ABLIM2: variants seen among roughly 807,000 people sequenced by gnomAD.
ABLIM2 encodes the protein actin binding LIM protein family member 2.
ABLIM2 carries 53 observed loss-of-function variants against 97.7 expected under a neutral mutation model. The ratio of observed to expected loss-of-function variants is 0.54; its 90% CI spans 0.44 to 0.68. The LOEUF is 0.68. ABLIM2 is among the 30% of genes least tolerant of loss of function. ABLIM2 has a pLI of 0.00. For missense variants in ABLIM2, 835 were observed against 867.2 expected (o/e 0.96, Z 0.47); for synonymous variants, 361 against 345.8 (o/e 1.04, Z -0.49).
At chr4:8,090,988 T>A (rs1229286844) in intron 3 of ABLIM2, among the ~76,000 whole-genome samples, 1 of 151,774 alleles carries the variant, frequency 6.6e-6, no homozygotes, top group East Asian at 1.9e-4. Flanking sequence ...TTTGGGTGAA[T>A]ACAGAAGATG....
rs1156485334 is a variant in ABLIM2, at chr4:8,061,226, G to A, written c.676-172C>T. On this transcript the variant is annotated intron_variant, in intron 6 of 20. Coordinates refer to ENST00000447017, the MANE Select transcript of ABLIM2 (RefSeq NM_001130083.2). The surrounding 1 kb of genome is among the most constrained non-coding windows in gnomAD (Gnocchi z 4.5). ...CCCTGAGCAGAGCCCAGACCCGGGG[G>A]TGCCCCCGGGCTGTCCAAGGCGCCC... Among the ~76,000 whole-genome samples, 3 of 152,266 alleles carry A rather than the reference G, an allele frequency of 2.0e-5. No homozygotes were observed. In the East Asian group the frequency reaches 5.8e-4, roughly 30 times the overall value.
At chr4:8,157,988 C>T (rs932544712) in intron 1 of ABLIM2, among the ~76,000 whole-genome samples, 1 of 152,274 alleles carries the variant, frequency 6.6e-6, no homozygotes, top group Non-Finnish European at 1.5e-5. Context: ...CTCAGTTTCC[C>T]CAACAGCACA....
Position 8,132,157 on chromosome 4 carries a change from G to A in ABLIM2, c.11-25520C>T, listed in dbSNP as rs954824393. ...GAACGACCTGGTTGGAAAGGAAACA[G>A]CGTACATGGTCCCACGAGGCTGCAA... is the stretch of plus-strand genomic sequence containing the variant. On this transcript the variant is annotated intron_variant, in intron 1 of 20. Transcript: ENST00000447017. This position sits in a 1 kb window ranked among gnomAD's most constrained non-coding sequence, Gnocchi z 8.0. Among the ~76,000 whole-genome samples, 2 of 151,868 alleles carry A rather than the reference G, an allele frequency of 1.3e-5. No individual in the cohort carries two copies. The highest frequency in any genetic ancestry group is 1.9e-4 in the East Asian group (1 of 5,144).
chr4:8,136,346 T>C (rs982040540), intron 1 of ABLIM2, among the ~76,000 whole-genome samples: 2 of 152,204 alleles, frequency 1.3e-5, no homozygotes, highest in African/African-American at 4.8e-5. Context: ...GTCCTGTGGA[T>C]GGATGGCATT....
In ABLIM2 at chr4:8,033,034, G is replaced by A. The variant is rs534685454; in HGVS notation, c.1047+3115C>T. On this transcript the variant is annotated intron_variant, in intron 10 of 20. Coordinates refer to ENST00000447017, the MANE Select transcript of ABLIM2 (RefSeq NM_001130083.2). The surrounding 1 kb of genome is among the most constrained non-coding windows in gnomAD (Gnocchi z 4.5). Reference sequence around the variant, plus strand: ...CAGGGCACAGGCAGCAACATCCTGAGGGCCCATCACCTCGGTTTTCTCTGG... The same window carrying A: ...CAGGGCACAGGCAGCAACATCCTGAAGGCCCATCACCTCGGTTTTCTCTGG... 2.6e-5 allele frequency among the ~76,000 whole-genome samples: 4 copies of A among 152,326 alleles called. No individual in the cohort carries two copies. Among genetic ancestry groups the A allele is most frequent in the African/African-American group, 9.6e-5 (4 of 41,566 alleles).
chr4:8,155,179 A>G lies in ABLIM2; in HGVS notation c.10+3501T>C, dbSNP rs1451894901. Among the ~76,000 whole-genome samples the G allele has an allele frequency of 6.6e-6, 1 of 152,220 alleles. No individual in the cohort carries two copies. Among genetic ancestry groups the G allele is most frequent in the Non-Finnish European group, 1.5e-5 (1 of 68,042 alleles). ...CTTTGCTGAATAACGAGTGAGTGAG[A>G]TGGAACAGATGGCTCATATTCCATC... On this transcript the variant is annotated intron_variant, in intron 1 of 20. Transcript: ENST00000447017. The surrounding 1 kb of genome is among the most constrained non-coding windows in gnomAD (Gnocchi z 4.2).
chr4:7,968,604 A>G (rs1383950104), intron 20 of ABLIM2, among the ~76,000 whole-genome samples: 1 of 152,210 alleles, frequency 6.6e-6, no homozygotes. Context: ...ATATGATTCC[A>G]CTTCTCTGAA....
chr4:8,019,636 G>T lies in ABLIM2; in HGVS notation c.1405C>A (p.Pro469Thr), dbSNP rs1772085334. ...GVKDNIYRKP[P>T]IYRQHAARRS... ...ACCGTACCATGCTGTCTGTAGATAGGGGGTTTCCTATAGATGTTATCTTTT... is the reference window on the plus strand; with the variant it reads ...ACCGTACCATGCTGTCTGTAGATAGTGGGTTTCCTATAGATGTTATCTTTT... The change falls in exon 14 of 21, where the codon CCT becomes ACT. Residue 469 changes from proline (P) to threonine (T), a missense_variant. By Grantham distance (38) the Pro-to-Thr change is conservative. Transcript: ENST00000447017. The surrounding 1 kb of genome is among the most constrained non-coding windows in gnomAD (Gnocchi z 4.3). The T allele has an allele frequency of 6.2e-7, 1 of 1,612,462 alleles. No homozygotes were observed. The highest frequency in any genetic ancestry group is 1.7e-5 in the Admixed American group (1 of 59,716).
Position 8,047,880 on chromosome 4 carries a change from C to T in ABLIM2, c.823-2639G>A, listed in dbSNP as rs566853417. ...CTCAGGAGATGACCTTGACAGAGAA[C>T]CCTCTCCTCTGCAAAGCAGATGAAC... is the stretch of plus-strand genomic sequence containing the variant. On this transcript the variant is annotated intron_variant, in intron 8 of 20. Transcript: ENST00000447017. Among the ~76,000 whole-genome samples, 6 of 152,336 alleles carry T rather than the reference C, an allele frequency of 3.9e-5. No homozygotes were observed. The South Asian group carries it at 1.0e-3, about 26-fold the overall frequency.
At chr4:7,984,758 G>A (rs1002377407) in intron 18 of ABLIM2, 81 bp downstream of exon 18, 3 of 1,428,086 alleles carry the variant, frequency 2.1e-6, no homozygotes, top group African/African-American at 1.4e-5. Flanking sequence ...TGCGGATGGG[G>A]TGGTTTCAGA....
intron 6 of ABLIM2, among the ~76,000 whole-genome samples, chr4:8,062,583 C>T (rs1334803886): frequency 1.3e-5 from 2 of 152,034 alleles, no homozygotes; most frequent in Non-Finnish European, 2.9e-5. Flanking sequence ...GGACTACAGA[C>T]CCCCACCACC....
At chr4:8,079,038 G>A (rs1390231778) in intron 5 of ABLIM2, among the ~76,000 whole-genome samples, 1 of 152,250 alleles carries the variant, frequency 6.6e-6, no homozygotes, top group South Asian at 2.1e-4. Flanking sequence ...CCAAGCTCCG[G>A]GCTGTTGCTA....
At chr4:7,971,742 C>A (rs62290615) in intron 20 of ABLIM2, among the ~76,000 whole-genome samples, 1 of 152,104 alleles carries the variant, frequency 6.6e-6, no homozygotes, top group African/African-American at 2.4e-5. Context: ...AGCCCTAAGT[C>A]CCCTCAGGGT....
At chr4:7,981,362 C>T (rs1376386192) in intron 20 of ABLIM2, among the ~76,000 whole-genome samples, 2 of 152,086 alleles carry the variant, frequency 1.3e-5, no homozygotes, top group Non-Finnish European at 2.9e-5. Flanking sequence ...ACCTGTAAGC[C>T]CCCACCTCGA....
At position 8,022,038 on chromosome 4, in the gene ABLIM2, C is replaced by T. The variant is rs200669953; in HGVS notation, c.1268-1735G>A. Among the ~76,000 whole-genome samples the T allele has an allele frequency of 4.6e-5, 7 of 152,196 alleles. No homozygotes were observed. The highest frequency in any genetic ancestry group is 2.1e-4 in the South Asian group (1 of 4,828). ...CCTCACAGCAGGGAGACTGGACTCA[C>T]GTGCCCGGAAAGGACACCGCGGATC... On this transcript the variant is annotated intron_variant, in intron 12 of 20. Transcript: ENST00000447017. The surrounding 1 kb of genome is among the most constrained non-coding windows in gnomAD (Gnocchi z 7.8).
intron 1 of ABLIM2, among the ~76,000 whole-genome samples, chr4:8,137,478 G>T (rs933850222): frequency 2.0e-5 from 3 of 152,358 alleles, no homozygotes; most frequent in African/African-American, 7.2e-5. Context: ...CAGGGGAGCG[G>T]GGGCGTCCCA....
At chr4:8,080,391 C>G (rs1041559083) in intron 5 of ABLIM2, among the ~76,000 whole-genome samples, 2 of 152,220 alleles carry the variant, frequency 1.3e-5, no homozygotes, top group African/African-American at 2.4e-5. Context: ...AAACTCAGCA[C>G]TGGCAGCCCT....
At chr4:8,116,026 G>A (rs890213540) in intron 1 of ABLIM2, among the ~76,000 whole-genome samples, 10 of 152,220 alleles carry the variant, frequency 6.6e-5, no homozygotes, top group Admixed American at 3.3e-4. Context: ...CAGCAAAGAC[G>A]CCTGTGGAGG....
In ABLIM2 at chr4:8,106,509, A is replaced by G. The variant is rs1297950219; in HGVS notation, c.139T>C (p.Cys47Arg). ...RVQDKYFHIK[C>R]FVCKACGCDL... The stretch of plus-strand genomic sequence containing the variant: ...GGACACTCACCTTTACAGACGAAGC[A>G]CTTGATGTGGAAGTACTTGTCCTGC... Residue 47 changes from cysteine to arginine, a missense_variant, in exon 2 of 21, where the codon TGC becomes CGC. Transcript: ENST00000447017. 1.3e-6 allele frequency: 2 copies of G among 1,598,632 alleles called. No homozygotes were observed. Among genetic ancestry groups the G allele is most frequent in the Non-Finnish European group, 1.7e-6 (2 of 1,172,844 alleles).
Sources: gnomAD v4.1 joint callset for allele counts (sites outside exome capture counted in the v4.1 genomes callset) on GRCh38, gnomAD v4.1.1 for gene constraint, Gnocchi (gnomAD v3.1) non-coding constraint, MANE v1.5 for transcripts, NCBI Gene and HGNC (gene_info 2026-07-23, HGNC 2026-07-21) for gene names.